SLC2A3: variants seen among roughly 807,000 people sequenced by gnomAD.
SLC2A3 encodes the protein solute carrier family 2, facilitated glucose transporter member 3.
Under a neutral mutation model 46.4 loss-of-function variants are expected in SLC2A3, and 21 were observed. The ratio of observed to expected loss-of-function variants is 0.45; its 90% confidence interval spans 0.32 to 0.65. SLC2A3 has a LOEUF of 0.65. SLC2A3 is among the 30% of genes least tolerant of loss of function. The probability of loss-of-function intolerance (pLI) is 0.04; values close to 1 mark genes in which losing one functional copy is unlikely to be tolerated. For missense variants in SLC2A3, 499 were observed against 623.3 expected, an observed-to-expected ratio of 0.80 and a Z score of 2.12; for synonymous variants, 213 against 239.4, an observed-to-expected ratio of 0.89 and a Z score of 1.02.
intron 1 of SLC2A3, among the ~76,000 whole-genome samples, 197 bp downstream of exon 1, chr12:7,935,820 TATG>T (rs912263240): frequency 3.9e-5 from 6 of 152,260 alleles, no homozygotes; most frequent in African/African-American, 1.4e-4. Context: ...GTGACTTTCC[TATG>T]ATAAGGTGAA....
chr12:7,929,085 A>ATTTG (rs1946124954), intron 6 of SLC2A3, among the ~76,000 whole-genome samples: 1 of 152,060 alleles, frequency 6.6e-6, no homozygotes, highest in African/African-American at 2.4e-5. Context: ...TGAGCATCAA[A>ATTTG]ATGCTCAAAA....
rs58652875 is a variant in SLC2A3, at chr12:7,920,900, T to A, written c.*513A>T. On this transcript the variant is annotated 3_prime_UTR_variant, in exon 10 of 10. Coordinates refer to ENST00000075120, the MANE Select transcript of SLC2A3 (RefSeq NM_006931.3). The stretch of plus-strand genomic sequence containing the variant: ...GCACATGTATCCTGAAACTTAAAGT[T>A]AAAAAAAAAAAATTATGTAATTAAA... 195 of 8,900 alleles carry A rather than the reference T, an allele frequency of 0.022. No individual in the cohort carries two copies. Among genetic ancestry groups the A allele is most frequent in the South Asian group, 0.087 (26 of 298 alleles). 0.6% of individuals were successfully genotyped at this position (8,900 alleles called of 1,614,324 possible). A position where few individuals can be genotyped will look rare whatever the true frequency, so the allele number is the denominator to read the frequency against.
intron 1 of SLC2A3, among the ~76,000 whole-genome samples, chr12:7,934,262 A>G (rs770408296): frequency 2.0e-4 from 30 of 152,208 alleles, no homozygotes; most frequent in Middle Eastern, 3.4e-3. Context: ...CTCGGGTAGG[A>G]TTACTAAGAA....
At chr12:7,930,757 A>AC in intron 4 of SLC2A3, 115 bp from the exon 5 acceptor site, 2 of 1,204,710 alleles carry the variant, frequency 1.7e-6, no homozygotes, top group Non-Finnish European at 2.3e-6. Flanking sequence ...AAAAATAAAC[A>AC]AATTGTGTTT....
chr12:7,922,030 T>G (rs1275773986), intron 9 of SLC2A3, among the ~76,000 whole-genome samples: 1 of 139,832 alleles, frequency 7.2e-6, no homozygotes, highest in African/African-American at 3.0e-5. Flanking sequence ...TTATGAATTT[T>G]TTTTTTTTTG....
chr12:7,929,498 T>C, intron 6 of SLC2A3, 186 bp downstream of exon 6: 1 of 768,588 alleles, frequency 1.3e-6, no homozygotes, highest in Admixed American at 3.2e-5. Context: ...ACAGTCTCAC[T>C]CTGTCTCCCA....
Position 7,930,487 on chromosome 12 carries a change from A to C in SLC2A3, c.666T>G (p.Ala222=). The C allele has an allele frequency of 1.2e-6, 2 of 1,613,320 alleles. No individual in the cohort carries two copies. Among genetic ancestry groups the C allele is most frequent in the South Asian group, 1.1e-5 (1 of 91,060 alleles). Residue 222 remains alanine (A), a synonymous_variant, in exon 5 of 10, where the codon GCT becomes GCG. Coordinates refer to ENST00000075120, the MANE Select transcript of SLC2A3 (RefSeq NM_006931.3). The part of the protein sequence containing the change: ...LLINRKEEEN[A]KQILQRLWGT... ...GGTGTGAAGGATACTCACTCTGCTT[A>C]GCATTCTCCTCTTCTTTTCTGTTAA...
chr12:7,925,450 A>T (rs1946084333), intron 7 of SLC2A3: 1 of 160,850 alleles, frequency 6.2e-6, no homozygotes, highest in Non-Finnish European at 1.4e-5. Flanking sequence ...ATCGCAGGAC[A>T]CCTAGATGGT....
At chr12:7,933,411 C>A (rs1244683325) in intron 2 of SLC2A3, 2 of 544,848 alleles carry the variant, frequency 3.7e-6, no homozygotes, top group Admixed American at 3.2e-5. Context: ...TTGTAACTAA[C>A]CCCTAAGGGA....
rs143740004 is a variant in SLC2A3, at chr12:7,935,874, G to T, written c.15+146C>A. 3.6e-5 allele frequency: 26 copies of T among 727,276 alleles called. No individual in the cohort carries two copies. In the African/African-American group the frequency reaches 4.0e-4, roughly 11 times the overall value. The allele number at this position is 727,276 out of a possible 1,614,324, so 45.1% of individuals were successfully genotyped here. Reference sequence around the variant, plus strand: ...TTCAAAGAGAACTGATGAAGCGGCAGCAGTGCAGGCTAGAGACGAAATGAA... The same window carrying T: ...TTCAAAGAGAACTGATGAAGCGGCATCAGTGCAGGCTAGAGACGAAATGAA... On this transcript the variant is annotated intron_variant, in intron 1 of 9. Transcript: ENST00000075120.
In SLC2A3 at chr12:7,933,029, A is replaced by C. The variant is rs1408864674; in HGVS notation, c.227T>G (p.Ile76Ser). 2 of 1,614,096 alleles carry C rather than the reference A, an allele frequency of 1.2e-6. No individual in the cohort carries two copies. The highest frequency in any genetic ancestry group is 2.2e-5 in the South Asian group (2 of 91,072). The change falls in exon 3 of 10, where the codon ATC becomes AGC. Residue 76 changes from isoleucine to serine, a missense_variant. This residue lies in a region of SLC2A3 where 248 missense variants were observed against 284.0 expected (regional missense o/e 0.87). Transcript: ENST00000075120. Reference protein sequence around the residue: ...SVAIFSVGGMIGSFSVGLFVN... With the variant: ...SVAIFSVGGMSGSFSVGLFVN... ...GAAGAGTCCGACGGAAAAGGAGCCG[A>C]TCATACCCCCGACGGAAAATATGGC...
rs370365830 is a variant in SLC2A3, at chr12:7,922,890, C to T, written c.1203G>A (p.Ala401=). The change falls in exon 9 of 10, where the codon GCG becomes GCA. Residue 401 remains alanine, a synonymous_variant. Coordinates refer to ENST00000075120, the MANE Select transcript of SLC2A3 (RefSeq NM_006931.3). ...ELFSQGPRPA[A]MAVAGCSNWT... ...AGTTGGAGCAGCCGGCCACTGCCATCGCAGCTGGGCGGGGGCCCTGGCTGA... is the reference window on the plus strand; with the variant it reads ...AGTTGGAGCAGCCGGCCACTGCCATTGCAGCTGGGCGGGGGCCCTGGCTGA... 1,850 of 1,614,132 alleles carry T rather than the reference C, an allele frequency of 1.1e-3. 11 individuals are homozygous for T. Among genetic ancestry groups the T allele is most frequent in the Non-Finnish European group, 1.4e-3 (1,663 of 1,180,006 alleles).
intron 3 of SLC2A3, 106 bp downstream of exon 3, chr12:7,932,881 A>G: frequency 2.0e-6 from 3 of 1,485,298 alleles, no homozygotes; most frequent in Non-Finnish European, 2.7e-6. Context: ...TTAGAATTCA[A>G]GGTGTTCTTA....
Position 7,924,876 on chromosome 12 carries a change from TAC to T in SLC2A3, c.967-367_967-366del, listed in dbSNP as rs1238482199. 3.8e-4 allele frequency among the ~76,000 whole-genome samples: 58 copies of T among 151,484 alleles called. No individual in the cohort carries two copies. The East Asian group carries it at 0.011, about 29-fold the overall frequency. ...CCCCACACCCTAGAGGAAGAAACGCTACAGAGAGGCCAACAAATCATCTAAGC... is the reference window on the plus strand; with the variant it reads ...CCCCACACCCTAGAGGAAGAAACGCTAGAGAGGCCAACAAATCATCTAAGC... On this transcript the variant is annotated intron_variant, in intron 7 of 9. Coordinates refer to ENST00000075120, the MANE Select transcript of SLC2A3 (RefSeq NM_006931.3).
intron 8 of SLC2A3, among the ~76,000 whole-genome samples, chr12:7,923,610 T>A (rs1946062245): frequency 6.6e-6 from 1 of 151,112 alleles, no homozygotes; most frequent in Non-Finnish European, 1.5e-5. Context: ...TGAAACCCTG[T>A]CTCAAAAAAA....
chr12:7,920,898 GT>G lies in SLC2A3; in HGVS notation c.*514del, dbSNP rs36093902. 138,668 of 159,200 alleles carry G rather than the reference GT, an allele frequency of 0.87. 60,241 individuals are homozygous for G. Among genetic ancestry groups the G allele is most frequent in the East Asian group, 0.94 (5,380 of 5,736 alleles). The allele number at this position is 159,200 out of a possible 1,614,324, so 9.9% of individuals were successfully genotyped here. On this transcript the variant is annotated 3_prime_UTR_variant, in exon 10 of 10. Coordinates refer to ENST00000075120, the MANE Select transcript of SLC2A3 (RefSeq NM_006931.3). ...CGGCACATGTATCCTGAAACTTAAAGTTAAAAAAAAAAAATTATGTAATTAA... is the reference window on the plus strand; with the variant it reads ...CGGCACATGTATCCTGAAACTTAAAGTAAAAAAAAAAAATTATGTAATTAA...
At chr12:7,933,701 C>G in intron 2 of SLC2A3, 109 bp downstream of exon 2, 1 of 1,171,744 alleles carries the variant, frequency 8.5e-7, no homozygotes, top group East Asian at 2.4e-5. Flanking sequence ...GTAGCTGGGA[C>G]TCCAGGCAGA....
chr12:7,936,020 C>A lies in SLC2A3; in HGVS notation c.15G>T (p.Lys5Asn). 6.2e-7 allele frequency: 1 copy of A among 1,604,218 alleles called. No individual in the cohort carries two copies. Among genetic ancestry groups the A allele is most frequent in the Non-Finnish European group, 8.5e-7 (1 of 1,171,030 alleles). The part of the protein sequence containing the change: MGTQ[K>N]VTPALIFAIT... ...TAACCAGTAATTATATCATTCTTACCTTCTGTGTCCCCATCGCTGTAATCT... is the reference window on the plus strand; with the variant it reads ...TAACCAGTAATTATATCATTCTTACATTCTGTGTCCCCATCGCTGTAATCT... The change falls in exon 1 of 10, where the codon AAG becomes AAT. Residue 5 changes from lysine (K) to asparagine (N), a missense_variant and splice_region_variant. Transcript: ENST00000075120.
chr12:7,923,227 G>A (rs1946057279), intron 8 of SLC2A3: 1 of 569,420 alleles, frequency 1.8e-6, no homozygotes, highest in African/African-American at 1.9e-5. Flanking sequence ...GGAGGGCAGT[G>A]GCACTACAAT....
Sources: allele counts gnomAD v4.1 joint callset (sites outside exome capture counted in the v4.1 genomes callset), GRCh38; gene constraint gnomAD v4.1.1; regional missense constraint gnomAD v4.1.1; transcripts MANE v1.5; gene names NCBI Gene and HGNC (gene_info 2026-07-23, HGNC 2026-07-21).